TMEM132C: variants seen among roughly 807,000 people sequenced by gnomAD.
The protein encoded by TMEM132C is transmembrane protein 132C, also known as protein phosphatase 1, regulatory subunit 152.
Under a neutral mutation model 61.4 loss-of-function variants are expected in TMEM132C, and 29 were observed. The ratio of observed to expected loss-of-function variants is 0.47; its 90% CI spans 0.35 to 0.64. The LOEUF (loss-of-function observed/expected upper bound fraction) is 0.64. TMEM132C is among the 30% of genes least tolerant of loss of function. The pLI, the probability that TMEM132C is intolerant of heterozygous loss-of-function variation, is 0.00. For missense variants in TMEM132C, 1,408 were observed against 1,476.9 expected, an observed-to-expected ratio of 0.95 and a Z score of 0.76; for synonymous variants, 656 against 633.1, an observed-to-expected ratio of 1.04 and a Z score of -0.54.
At chr12:128,524,145 G>A (rs1289896719) in intron 2 of TMEM132C, among the ~76,000 whole-genome samples, 1 of 152,130 alleles carries the variant, frequency 6.6e-6, no homozygotes, top group African/African-American at 2.4e-5. Context: ...TGGGTTCCTT[G>A]GCTTAAGGTG....
At chr12:128,663,744 C>T (rs369903332) in intron 4 of TMEM132C, among the ~76,000 whole-genome samples, 50 of 152,128 alleles carry the variant, frequency 3.3e-4, no homozygotes, top group South Asian at 3.1e-3. Flanking sequence ...TGTATATGTG[C>T]GAGTGCCTAC....
chr12:128,666,351 AT>A (rs1284713182), intron 4 of TMEM132C, among the ~76,000 whole-genome samples: 2 of 152,032 alleles, frequency 1.3e-5, no homozygotes, highest in Non-Finnish European at 2.9e-5. Flanking sequence ...GCACACACAC[AT>A]TTTTTTCTCT....
chr12:128,345,364 C>T (rs188137450), intron 1 of TMEM132C, among the ~76,000 whole-genome samples: 6 of 152,212 alleles, frequency 3.9e-5, no homozygotes, highest in East Asian at 3.9e-4. Flanking sequence ...CTGCAGTGAA[C>T]GTATGTGTAC....
At chr12:128,449,093 C>T (rs1466222289) in intron 2 of TMEM132C, among the ~76,000 whole-genome samples, 7 of 141,584 alleles carry the variant, frequency 4.9e-5, no homozygotes, top group Admixed American at 3.7e-4. Context: ...GCCGAGATCA[C>T]GCCACTGTAC....
chr12:128,518,517 G>A (rs1461066807), intron 2 of TMEM132C, among the ~76,000 whole-genome samples: 4 of 152,226 alleles, frequency 2.6e-5, no homozygotes, highest in South Asian at 2.1e-4. Flanking sequence ...GATGCCACAC[G>A]TAGGGTCCAT....
chr12:128,292,086 A>G (rs1327402588), intron 1 of TMEM132C, among the ~76,000 whole-genome samples: 1 of 152,130 alleles, frequency 6.6e-6, no homozygotes, highest in East Asian at 1.9e-4. Flanking sequence ...TCTCTGCTTC[A>G]TAACTCTTGC....
intron 3 of TMEM132C, among the ~76,000 whole-genome samples, chr12:128,556,882 C>G (rs888735159): frequency 6.6e-6 from 1 of 152,020 alleles, no homozygotes; most frequent in Non-Finnish European, 1.5e-5. Flanking sequence ...CCAAAGACAC[C>G]CAGCTAAGCC....
At chr12:128,610,582 A>T (rs991724473) in intron 3 of TMEM132C, among the ~76,000 whole-genome samples, 1 of 152,182 alleles carries the variant, frequency 6.6e-6, no homozygotes, top group African/African-American at 2.4e-5. Flanking sequence ...TGCTCTCTGG[A>T]GTCACTTAAG....
intron 2 of TMEM132C, among the ~76,000 whole-genome samples, chr12:128,434,982 A>T (rs887493371): frequency 2.6e-5 from 4 of 152,170 alleles, no homozygotes; most frequent in African/African-American, 7.2e-5. Flanking sequence ...GTCTCTCAAA[A>T]TTCATATATT....
At chr12:128,660,507 G>A (rs1469534099) in intron 4 of TMEM132C, among the ~76,000 whole-genome samples, 1 of 152,210 alleles carries the variant, frequency 6.6e-6, no homozygotes, top group African/African-American at 2.4e-5. Flanking sequence ...GATCCACTTA[G>A]AAGGGCCAAA....
At chr12:128,613,805 G>A (rs931870666) in intron 3 of TMEM132C, among the ~76,000 whole-genome samples, 1 of 152,224 alleles carries the variant, frequency 6.6e-6, no homozygotes, top group African/African-American at 2.4e-5. Flanking sequence ...AAGCCCTGAA[G>A]ATGGAATGGT....
At chr12:128,273,160 C>T (rs1870576850) in intron 1 of TMEM132C, among the ~76,000 whole-genome samples, 1 of 152,076 alleles carries the variant, frequency 6.6e-6, no homozygotes, top group Non-Finnish European at 1.5e-5. Context: ...GTATTGAGGT[C>T]TCCAACTATG....
At chr12:128,373,695 A>C (rs1233631492) in intron 1 of TMEM132C, among the ~76,000 whole-genome samples, 1 of 152,222 alleles carries the variant, frequency 6.6e-6, no homozygotes, top group East Asian at 1.9e-4. Flanking sequence ...ATCTTAGAGG[A>C]TACGAAAGGA....
At chr12:128,300,617 A>T (rs886132144) in intron 1 of TMEM132C, among the ~76,000 whole-genome samples, 5 of 152,186 alleles carry the variant, frequency 3.3e-5, no homozygotes, top group African/African-American at 1.2e-4. Flanking sequence ...TCTGGTCTCC[A>T]GTCAGTTCTA....
intron 1 of TMEM132C, among the ~76,000 whole-genome samples, chr12:128,269,249 C>T (rs1255433603): frequency 6.6e-6 from 1 of 152,104 alleles, no homozygotes; most frequent in Admixed American, 6.6e-5. Flanking sequence ...CCGACCTCCT[C>T]CGGGTTTTCA....
At chr12:128,356,393 G>T (rs185727637) in intron 1 of TMEM132C, among the ~76,000 whole-genome samples, 31 of 152,272 alleles carry the variant, frequency 2.0e-4, no homozygotes, top group African/African-American at 7.2e-4. Flanking sequence ...GTCTCCTAAA[G>T]AGTTGAATTT....
intron 2 of TMEM132C, among the ~76,000 whole-genome samples, chr12:128,534,204 A>AT (rs1873436391): frequency 6.6e-6 from 1 of 152,152 alleles, no homozygotes; most frequent in South Asian, 2.1e-4. Flanking sequence ...GAGGGAAAAT[A>AT]TTTTTTGTTT....
chr12:128,667,143 C>G (rs1457247247), intron 4 of TMEM132C, among the ~76,000 whole-genome samples: 2 of 152,006 alleles, frequency 1.3e-5, no homozygotes, highest in East Asian at 3.8e-4. Context: ...ACATATATGT[C>G]CAACCCATCT....
At chr12:128,418,074 C>G (rs1868843153) in intron 2 of TMEM132C, among the ~76,000 whole-genome samples, 1 of 152,128 alleles carries the variant, frequency 6.6e-6, no homozygotes, top group South Asian at 2.1e-4. Flanking sequence ...GAAGATCCAC[C>G]TCACTCCCTG....
Sources: allele counts gnomAD v4.1 joint callset (sites outside exome capture counted in the v4.1 genomes callset), GRCh38; gene constraint gnomAD v4.1.1; transcripts MANE v1.5; gene names NCBI Gene and HGNC (gene_info 2026-07-23, HGNC 2026-07-21).